TUFT1: variants seen among roughly 807,000 people sequenced by gnomAD.
TUFT1 encodes tuftelin 1.
TUFT1 carries 43 observed loss-of-function variants against 57.8 expected under a neutral mutation model. The observed-to-expected ratio is 0.74, with a 90% CI of 0.58 to 0.96. TUFT1 has a LOEUF of 0.96. Among genes scored for constraint, TUFT1 ranks in the 40% least tolerant of loss-of-function variants. The pLI, the probability that TUFT1 is intolerant of heterozygous loss-of-function variation, is 0.00. For missense variants in TUFT1, 459 were observed against 489.0 expected (o/e 0.94, Z 0.58); for synonymous variants, 166 against 176.7 (o/e 0.94, Z 0.48).
At chr1:151,543,325 A>ATGTGTG (rs1260643758) in intron 1 of TUFT1, among the ~76,000 whole-genome samples, 4 of 83,256 alleles carry the variant, frequency 4.8e-5, no homozygotes, top group African/African-American at 1.6e-4. Context: ...AGTTATATAT[A>ATGTGTG]TATGTGTGTG....
chr1:151,579,622 G>C, intron 10 of TUFT1, 27 bp from the exon 11 acceptor site: 1 of 1,612,656 alleles, frequency 6.2e-7, no homozygotes, highest in East Asian at 2.2e-5. Context: ...TGCAAAATGA[G>C]CTCCAGTGTC....
chr1:151,548,305 C>CTTTTTTTTTTT (rs11435666), intron 1 of TUFT1, among the ~76,000 whole-genome samples: 2 of 130,582 alleles, frequency 1.5e-5, no homozygotes, highest in African/African-American at 2.8e-5. Flanking sequence ...TTTTTCTTTT[C>CTTTTTTTTTTT]TTTTTTTTTT....
At chr1:151,545,323 A>C (rs1665300317) in intron 1 of TUFT1, among the ~76,000 whole-genome samples, 1 of 149,970 alleles carries the variant, frequency 6.7e-6, no homozygotes. Flanking sequence ...ACAAACAAAA[A>C]AAAGAGCATG....
chr1:151,577,309 G>A (rs1206928984), intron 9 of TUFT1, among the ~76,000 whole-genome samples: 1 of 152,120 alleles, frequency 6.6e-6, no homozygotes, highest in African/African-American at 2.4e-5. Flanking sequence ...CTTTCCCAGA[G>A]GCTAGGGGGA....
chr1:151,566,139 C>A (rs764338969), intron 5 of TUFT1, 24 bp from the exon 6 acceptor site: 1 of 1,552,832 alleles, frequency 6.4e-7, no homozygotes, highest in Non-Finnish European at 8.7e-7. Flanking sequence ...GTTTTAACTA[C>A]CAATTTTATT....
At chr1:151,565,040 C>T (rs994223911) in intron 5 of TUFT1, 6 of 155,860 alleles carry the variant, frequency 3.8e-5, no homozygotes, top group Admixed American at 1.9e-4. Context: ...AATTGAAGTC[C>T]GTGCCCTAGC....
chr1:151,573,437 G>T (rs1666335931), intron 7 of TUFT1, among the ~76,000 whole-genome samples: 1 of 152,192 alleles, frequency 6.6e-6, no homozygotes, highest in Non-Finnish European at 1.5e-5. Context: ...CTAACATTCT[G>T]CTTCTATCCT....
At chr1:151,547,815 C>T (rs958447806) in intron 1 of TUFT1, among the ~76,000 whole-genome samples, 4 of 152,186 alleles carry the variant, frequency 2.6e-5, no homozygotes, top group Non-Finnish European at 5.9e-5. Flanking sequence ...GCTCACTTCC[C>T]TCTACAGACA....
chr1:151,550,235 G>T (rs1043702829), intron 1 of TUFT1, among the ~76,000 whole-genome samples: 1 of 151,940 alleles, frequency 6.6e-6, no homozygotes, highest in Non-Finnish European at 1.5e-5. Flanking sequence ...GTTTCACCAT[G>T]TTGGCCAGGC....
intron 1 of TUFT1, among the ~76,000 whole-genome samples, chr1:151,543,087 G>A (rs997872446): frequency 3.9e-5 from 6 of 152,172 alleles, no homozygotes; most frequent in Admixed American, 6.5e-5. Flanking sequence ...GTGCCTTAGC[G>A]TATCACATGT....
intron 9 of TUFT1, among the ~76,000 whole-genome samples, chr1:151,577,481 C>A (rs559842671): frequency 1.3e-5 from 2 of 152,206 alleles, no homozygotes; most frequent in East Asian, 3.9e-4. Flanking sequence ...GGAATGTGAC[C>A]AAATATAACA....
intron 1 of TUFT1, among the ~76,000 whole-genome samples, chr1:151,559,277 T>G (rs1366546548): frequency 1.3e-5 from 2 of 152,228 alleles, no homozygotes; most frequent in East Asian, 3.8e-4. Flanking sequence ...CTTGAGGAGT[T>G]AACAGAAGGG....
chr1:151,567,844 C>T (rs1666131982), intron 6 of TUFT1, among the ~76,000 whole-genome samples: 1 of 152,210 alleles, frequency 6.6e-6, no homozygotes, highest in Non-Finnish European at 1.5e-5. Context: ...CTGCACCCCG[C>T]CACCATTACT....
At chr1:151,572,611 C>G (rs995093035) in intron 7 of TUFT1, among the ~76,000 whole-genome samples, 9 of 152,152 alleles carry the variant, frequency 5.9e-5, no homozygotes, top group Non-Finnish European at 1.3e-4. Context: ...CTCAGTCTCT[C>G]CTAGTGAATT....
intron 9 of TUFT1, among the ~76,000 whole-genome samples, chr1:151,576,830 G>A (rs972719360): frequency 6.6e-6 from 1 of 152,092 alleles, no homozygotes. Context: ...TCACCATGTC[G>A]GCCAGGTTGG....
rs1214979013 is a variant in TUFT1, at chr1:151,561,473, GCA to G, written c.61-586_61-585del. 167 of 337,664 alleles carry G rather than the reference GCA, an allele frequency of 4.9e-4. 1 individual carries two copies. Among genetic ancestry groups the G allele is most frequent in the African/African-American group, 3.9e-3 (154 of 39,750 alleles). The allele number at this position is 337,664 out of a possible 1,614,324, so 20.9% of individuals were successfully genotyped here. ...AGGCTGCAGTCATGCGCGCGCGCGC[GCA>G]CACACACACACACACACACACACAC... On this transcript the variant is annotated intron_variant, in intron 1 of 12. Coordinates refer to ENST00000368849, the MANE Select transcript of TUFT1 (RefSeq NM_020127.3).
intron 1 of TUFT1, among the ~76,000 whole-genome samples, chr1:151,549,823 T>C (rs1665452890): frequency 6.6e-6 from 1 of 152,098 alleles, no homozygotes; most frequent in Non-Finnish European, 1.5e-5. Context: ...ATGAGCTCAA[T>C]TGATCCTCTC....
intron 1 of TUFT1, among the ~76,000 whole-genome samples, chr1:151,556,537 T>G (rs1665705474): frequency 6.6e-6 from 1 of 151,862 alleles, no homozygotes. Flanking sequence ...ACCTCCTGAG[T>G]TTCTGGGACA....
In TUFT1 at chr1:151,562,184, G is replaced by T. The variant is rs1294959292; in HGVS notation, c.135+19G>T. ...CCAGAAGGTACTGCGGAATTCTGGTGGGCAAGGCCCCCTCCCCACACCAGT... is the reference window on the plus strand; with the variant it reads ...CCAGAAGGTACTGCGGAATTCTGGTTGGCAAGGCCCCCTCCCCACACCAGT... On this transcript the variant is annotated intron_variant, in intron 2 of 12. Coordinates refer to ENST00000368849, the MANE Select transcript of TUFT1 (RefSeq NM_020127.3). 6.2e-7 allele frequency: 1 copy of T among 1,608,148 alleles called. No homozygotes were observed. Among genetic ancestry groups the T allele is most frequent in the Admixed American group, 1.7e-5 (1 of 59,966 alleles).
Sources: allele counts gnomAD v4.1 joint callset (sites outside exome capture counted in the v4.1 genomes callset), GRCh38; gene constraint gnomAD v4.1.1; transcripts MANE v1.5; gene names NCBI Gene and HGNC (gene_info 2026-07-23, HGNC 2026-07-21).